DSCAM: variants seen among roughly 807,000 people sequenced by gnomAD.
DSCAM encodes cell adhesion molecule DSCAM.
In DSCAM, 47 loss-of-function variants were observed where a neutral mutation model predicts 217.7. The observed-to-expected ratio is 0.22, with a 90% CI of 0.17 to 0.28. The LOEUF (loss-of-function observed/expected upper bound fraction) is 0.28, where lower values mean the gene tolerates loss of function less well. DSCAM is among the 10% of genes least tolerant of loss of function. The pLI is 1.00. For missense variants in DSCAM, 2,080 were observed against 2,618.3 expected (o/e 0.79, Z 4.49); for synonymous variants, 1,056 against 1,015.3 (o/e 1.04, Z -0.76).
Position 40,013,361 on chromosome 21 carries a change from G to A in DSCAM, c.5712C>T (p.Tyr1904=). Residue 1904 remains tyrosine, a synonymous_variant, in exon 33 of 33, where the codon TAC becomes TAT. Transcript: ENST00000400454. ...RPGDLIHLPP[Y]LRMDFLLNRG... The stretch of plus-strand genomic sequence containing the variant: ...GGTTTAACAAAAAGTCCATTCTAAG[G>A]TATGGAGGCAAATGTATGAGGTCAC... 6.3e-7 allele frequency: 1 copy of A among 1,580,682 alleles called. No homozygotes were observed. The highest frequency in any genetic ancestry group is 8.6e-7 in the Non-Finnish European group (1 of 1,164,108).
intron 3 of DSCAM, chr21:40,513,207 A>T (rs974166118): frequency 2.6e-5 from 4 of 152,222 alleles, no homozygotes; most frequent in Non-Finnish European, 5.9e-5. Flanking sequence ...AGGAGAGAAC[A>T]TAACCTACCT....
At chr21:40,078,277 C>A (rs2089397701) in intron 26 of DSCAM, among the ~76,000 whole-genome samples, 1 of 152,082 alleles carries the variant, frequency 6.6e-6, no homozygotes, top group East Asian at 1.9e-4. Flanking sequence ...TTTGCACATG[C>A]AGTTTAGGGT....
intron 3 of DSCAM, among the ~76,000 whole-genome samples, chr21:40,407,603 A>G (rs2075289624): frequency 6.6e-6 from 1 of 152,206 alleles, no homozygotes; most frequent in African/African-American, 2.4e-5. Flanking sequence ...CATGGAGGGG[A>G]GACCCTGGAG....
rs9980036 is a variant in DSCAM at position 40,183,104 on chromosome 21, T to G, written c.2780-4010A>C. ...CCAGAGAAACCGTGGACGGGGGGGG[T>G]TACCAGAGAAACCGTGGACAGGAGA... On this transcript the variant is annotated intron_variant, in intron 14 of 32. Coordinates refer to ENST00000400454, the MANE Select transcript of DSCAM (RefSeq NM_001389.5). Among the ~76,000 whole-genome samples, 65 of 7,542 alleles carry G rather than the reference T, an allele frequency of 8.6e-3. 11 individuals carry two copies. The highest frequency in any genetic ancestry group is 0.013 in the African/African-American group (14 of 1,072). 4.9% of individuals were successfully genotyped at this position (7,542 alleles called of 152,430 possible). A position where few individuals can be genotyped will look rare whatever the true frequency, so the allele number is the denominator to read the frequency against.
intron 3 of DSCAM, among the ~76,000 whole-genome samples, chr21:40,551,324 T>C (rs985602431): frequency 2.0e-5 from 3 of 152,216 alleles, no homozygotes; most frequent in South Asian, 2.1e-4. Flanking sequence ...AGTTTCTGAT[T>C]GACAATTGGT....
chr21:40,645,984 C>A (rs1042202488), intron 3 of DSCAM, among the ~76,000 whole-genome samples: 1 of 151,936 alleles, frequency 6.6e-6, no homozygotes, highest in South Asian at 2.1e-4. Context: ...AAATTAACTG[C>A]ACTAAATGAA....
chr21:40,695,419 C>T (rs2090585106), intron 2 of DSCAM, among the ~76,000 whole-genome samples: 1 of 152,154 alleles, frequency 6.6e-6, no homozygotes, highest in African/African-American at 2.4e-5. Flanking sequence ...TCTAGCTACC[C>T]ACTGCCCTCA....
rs559125138 is a variant in DSCAM at position 40,677,352 on chromosome 21, T to A, written c.508+15458A>T. Among the ~76,000 whole-genome samples, 3 of 152,006 alleles carry A rather than the reference T, an allele frequency of 2.0e-5. No homozygotes were observed. The South Asian group carries it at 6.2e-4, about 32-fold the overall frequency. On this transcript the variant is annotated intron_variant, in intron 3 of 32. Transcript: ENST00000400454. ...CACGATCCAACATCTATATCAGGCATTTTAATGGAGTATGAATCCCTGGTT... is the reference window on the plus strand; with the variant it reads ...CACGATCCAACATCTATATCAGGCAATTTAATGGAGTATGAATCCCTGGTT...
At chr21:40,103,280 A>G (rs545854369) in intron 20 of DSCAM, among the ~76,000 whole-genome samples, 2 of 147,942 alleles carry the variant, frequency 1.4e-5, no homozygotes, top group South Asian at 4.3e-4. Flanking sequence ...ACATGCAATT[A>G]AAAAAACTTG....
intron 1 of DSCAM, among the ~76,000 whole-genome samples, chr21:40,831,079 G>C (rs1382664816): frequency 6.6e-6 from 1 of 152,178 alleles, no homozygotes; most frequent in Non-Finnish European, 1.5e-5. Context: ...CCTGCAGAGG[G>C]GCCAACCAGG....
At position 40,406,927 on chromosome 21, in the gene DSCAM, A is replaced by G. The variant is rs140008225; in HGVS notation, c.509-37682T>C. ...AGCCACCGCACCCAGCCTCATAGGT[A>G]GAATCTAAAAACTTGAACTCATAAA... On this transcript the variant is annotated intron_variant, in intron 3 of 32. Transcript: ENST00000400454. 2.1e-3 allele frequency among the ~76,000 whole-genome samples: 324 copies of G among 152,266 alleles called. 6 individuals are homozygous for G. In the East Asian group the frequency reaches 0.025, roughly 12 times the overall value.
intron 11 of DSCAM, among the ~76,000 whole-genome samples, chr21:40,214,440 A>G (rs1259402499): frequency 6.6e-6 from 1 of 152,216 alleles, no homozygotes. Context: ...TGTTTTTCCA[A>G]GATGATGGAA....
intron 18 of DSCAM, among the ~76,000 whole-genome samples, chr21:40,140,632 T>G (rs2090278375): frequency 6.6e-6 from 1 of 152,218 alleles, no homozygotes; most frequent in Non-Finnish European, 1.5e-5. Flanking sequence ...TGTAATGATA[T>G]CCTATGGTAT....
At position 40,797,198 on chromosome 21, in the gene DSCAM, T is replaced by C. The variant is rs561317355; in HGVS notation, c.43+49421A>G. ...TCCCTGTTCCAAGATCCCATTATTG[T>C]CTTATCACCCTTTTGATGAGTGACA... is the stretch of plus-strand genomic sequence containing the variant. On this transcript the variant is annotated intron_variant, in intron 1 of 32. Coordinates refer to ENST00000400454, the MANE Select transcript of DSCAM (RefSeq NM_001389.5). Among the ~76,000 whole-genome samples, 51 of 152,340 alleles carry C rather than the reference T, an allele frequency of 3.3e-4. 1 individual carries two copies. Among genetic ancestry groups the C allele is most frequent in the African/African-American group, 1.2e-3 (51 of 41,598 alleles).
intron 3 of DSCAM, among the ~76,000 whole-genome samples, chr21:40,474,571 T>G (rs2075917628): frequency 6.6e-6 from 1 of 152,156 alleles, no homozygotes; most frequent in Non-Finnish European, 1.5e-5. Context: ...CCTTCCCCCC[T>G]GAGCTGGAAC....
chr21:40,670,296 G>A (rs540673656), intron 3 of DSCAM, among the ~76,000 whole-genome samples: 46 of 152,096 alleles, frequency 3.0e-4, no homozygotes, highest in African/African-American at 1.0e-3. Flanking sequence ...GGTAACCACC[G>A]TTCTAACTTT....
chr21:40,695,170 G>T (rs535059813), intron 2 of DSCAM, among the ~76,000 whole-genome samples: 89 of 152,166 alleles, frequency 5.8e-4, no homozygotes, highest in Non-Finnish European at 1.0e-3. Context: ...ATCAAGGAAA[G>T]GGGTCAAGTT....
intron 3 of DSCAM, among the ~76,000 whole-genome samples, chr21:40,423,293 G>A (rs2075441990): frequency 6.6e-6 from 1 of 152,182 alleles, no homozygotes; most frequent in Admixed American, 6.5e-5. Context: ...ATTAATGTAG[G>A]TAGGTTTTCA....
chr21:40,429,072 C>G (rs1228618664), intron 3 of DSCAM, among the ~76,000 whole-genome samples: 1 of 152,126 alleles, frequency 6.6e-6, no homozygotes, highest in Non-Finnish European at 1.5e-5. Flanking sequence ...AAGACATAAT[C>G]TTTGCTCTCC....
Sources: allele counts gnomAD v4.1 joint callset (sites outside exome capture counted in the v4.1 genomes callset), GRCh38; gene constraint gnomAD v4.1.1; transcripts MANE v1.5; gene names NCBI Gene and HGNC (gene_info 2026-07-23, HGNC 2026-07-21).